Variants in PAK1 observed in about 807,000 individuals in gnomAD.
PAK1 encodes the protein p21 (RAC1) activated kinase 1.
In PAK1, 29 loss-of-function variants were observed where a neutral mutation model predicts 67.4. The observed-to-expected ratio is 0.43, with a 90% CI of 0.32 to 0.59. The LOEUF is 0.59. PAK1 is among the 20% of genes least tolerant of loss of function. PAK1 has a pLI of 0.07. For synonymous variants in PAK1, 223 were observed against 237.4 expected (o/e 0.94, Z 0.56); for missense variants, 337 against 670.7 (o/e 0.50, Z 5.50).
chr11:77,330,884 C>T (rs972992255), intron 14 of PAK1, among the ~76,000 whole-genome samples: 16 of 151,880 alleles, frequency 1.1e-4, no homozygotes, highest in African/African-American at 3.9e-4. Context: ...GCAACCTACT[C>T]ATCTGACAAA....
chr11:77,442,054 T>C (rs1326022156), intron 1 of PAK1, among the ~76,000 whole-genome samples: 1 of 152,122 alleles, frequency 6.6e-6, no homozygotes, highest in East Asian at 1.9e-4. Context: ...TCAGAAACTA[T>C]CCCTTAAAGA....
chr11:77,430,234 C>A (rs896687514), intron 1 of PAK1, among the ~76,000 whole-genome samples: 2 of 151,832 alleles, frequency 1.3e-5, no homozygotes, highest in African/African-American at 4.8e-5. Flanking sequence ...AAGAAGATAA[C>A]AAATCTTCAA....
In PAK1 at chr11:77,392,536, C is replaced by T. The variant is rs747327209; in HGVS notation, c.-16G>A. On this transcript the variant is annotated 5_prime_UTR_variant, in exon 2 of 15. Transcript: ENST00000356341. ...TATTTGACATTGTCACCACCAGCAG[C>T]AGCTACTAGAATCAGAAATAAGAAC... 22 of 1,575,522 alleles carry T rather than the reference C, an allele frequency of 1.4e-5. No individual in the cohort carries two copies. In the South Asian group the frequency reaches 2.2e-4, roughly 16 times the overall value.
At chr11:77,348,518 G>A (rs1245410352) in intron 9 of PAK1, among the ~76,000 whole-genome samples, 1 of 152,192 alleles carries the variant, frequency 6.6e-6, no homozygotes, top group Non-Finnish European at 1.5e-5. Flanking sequence ...GGTAGCACCA[G>A]TAGATTAGGA....
intron 2 of PAK1, among the ~76,000 whole-genome samples, chr11:77,383,988 A>C (rs1264350362): frequency 1.3e-5 from 2 of 152,232 alleles, no homozygotes; most frequent in African/African-American, 4.8e-5. Flanking sequence ...TCAAGTCTTC[A>C]ATCTGCAAAA....
intron 1 of PAK1, among the ~76,000 whole-genome samples, chr11:77,440,964 T>C (rs1317076898): frequency 6.6e-6 from 1 of 152,168 alleles, no homozygotes; most frequent in African/African-American, 2.4e-5. Flanking sequence ...CCAGGGAAAG[T>C]ATGTTTACAG....
At chr11:77,520,788 A>T in the PAK1 span, among the ~76,000 whole-genome samples, 8 of 152,274 alleles carry the variant, frequency 5.3e-5, no homozygotes, top group Non-Finnish European at 1.2e-4. Flanking sequence ...CTCATCTAGA[A>T]AGAGGGCACC....
At chr11:77,373,146 C>G (rs549299926) in intron 5 of PAK1, among the ~76,000 whole-genome samples, 9 of 152,198 alleles carry the variant, frequency 5.9e-5, no homozygotes, top group Middle Eastern at 3.4e-3. Context: ...CTTATTCACA[C>G]CGGACTTGGC....
At chr11:77,499,194 C>A in the PAK1 span, among the ~76,000 whole-genome samples, 7,355 of 149,774 alleles carry the variant, frequency 0.049, 606 homozygotes, top group African/African-American at 0.17. Flanking sequence ...TTCAAAAATT[C>A]ACTTATAATC....
chr11:77,364,768 AC>A (rs1487486263), intron 5 of PAK1, among the ~76,000 whole-genome samples: 2 of 152,232 alleles, frequency 1.3e-5, no homozygotes, highest in East Asian at 3.8e-4. Context: ...AGATATAAAT[AC>A]ATTCAAAAAA....
chr11:77,323,364 GA>G lies in PAK1; in HGVS notation c.1552-5del. 1.3e-6 allele frequency: 2 copies of G among 1,582,118 alleles called. No individual in the cohort carries two copies. The highest frequency in any genetic ancestry group is 2.2e-5 in the South Asian group (2 of 90,486). ...TGGCAATCTTCAGGAATTGATGCTA[GA>G]AAGGAGAAAAATAGCAAAAGACACA... On this transcript the variant is annotated splice_polypyrimidine_tract_variant and splice_region_variant and intron_variant, in intron 14 of 14. Transcript: ENST00000356341.
At chr11:77,456,700 T>C (rs1016190144) in intron 1 of PAK1, among the ~76,000 whole-genome samples, 1 of 152,176 alleles carries the variant, frequency 6.6e-6, no homozygotes, top group Non-Finnish European at 1.5e-5. Flanking sequence ...CATGTAATCC[T>C]AATAACAAAC....
In PAK1 at chr11:77,373,148, G is replaced by A. The variant is rs140040275; in HGVS notation, c.477+1180C>T. On this transcript the variant is annotated intron_variant, in intron 5 of 14. Coordinates refer to ENST00000356341, the MANE Select transcript of PAK1 (RefSeq NM_002576.5). The stretch of plus-strand genomic sequence containing the variant: ...CTCTGTAATGTCACTTATTCACACC[G>A]GACTTGGCATAGGATAAACTAGGGC... Among the ~76,000 whole-genome samples, 22 of 152,196 alleles carry A rather than the reference G, an allele frequency of 1.4e-4. No individual in the cohort carries two copies. In the East Asian group the frequency reaches 2.9e-3, roughly 20 times the overall value.
At chr11:77,495,459 A>C in the PAK1 span, among the ~76,000 whole-genome samples, 1 of 152,102 alleles carries the variant, frequency 6.6e-6, no homozygotes, top group African/African-American at 2.4e-5. Context: ...GGGCAACAAA[A>C]CAAGATTCCA....
intron 11 of PAK1, 44 bp from the exon 12 acceptor site, chr11:77,337,467 T>C (rs762356911): frequency 1.0e-6 from 1 of 987,380 alleles, no homozygotes; most frequent in Non-Finnish European, 1.6e-6. Flanking sequence ...AGGACATACA[T>C]ATAATACAGA....
intron 9 of PAK1, among the ~76,000 whole-genome samples, chr11:77,344,242 C>CT (rs1944068454): frequency 6.6e-6 from 1 of 152,188 alleles, no homozygotes; most frequent in African/African-American, 2.4e-5. Context: ...CAGAATCAAA[C>CT]TTTGGTGTAG....
chr11:77,327,396 T>C (rs370448100), intron 14 of PAK1, among the ~76,000 whole-genome samples: 1 of 152,226 alleles, frequency 6.6e-6, no homozygotes, highest in Non-Finnish European at 1.5e-5. Context: ...AAGGTCGGGT[T>C]ACCCACAAAG....
chr11:77,472,543 T>TTCTGGAG (rs1234939095), intron 1 of PAK1, among the ~76,000 whole-genome samples: 2 of 152,154 alleles, frequency 1.3e-5, no homozygotes, highest in Non-Finnish European at 2.9e-5. Context: ...AAAACCAAAC[T>TTCTGGAG]TCTGGAGCTT....
chr11:77,435,583 T>G (rs1592464498), intron 1 of PAK1, among the ~76,000 whole-genome samples: 1 of 132,778 alleles, frequency 7.5e-6, no homozygotes, highest in South Asian at 2.5e-4. Context: ...AAGCTCCGCC[T>G]CCCGGGTTCA....
Sources: allele counts gnomAD v4.1 joint callset (sites outside exome capture counted in the v4.1 genomes callset), GRCh38; gene constraint gnomAD v4.1.1; transcripts MANE v1.5; gene names NCBI Gene and HGNC (gene_info 2026-07-23, HGNC 2026-07-21).